The following FTCDNL1 variants were observed in gnomAD, a reference collection of about 807,000 sequenced individuals.
FTCDNL1 encodes the protein formiminotransferase N-terminal subdomain-containing protein.
Under a neutral mutation model 5.9 loss-of-function variants are expected in FTCDNL1, and 11 were observed. That is an observed-to-expected ratio of 1.87 (90% CI 1.18 to 3.10). The LOEUF (loss-of-function observed/expected upper bound fraction) is 3.10, where lower values mean the gene tolerates loss of function less well. Among genes scored for constraint, FTCDNL1 ranks in the 30% most tolerant of loss-of-function variants. FTCDNL1 has a pLI of 0.00. For missense variants in FTCDNL1, 115 were observed against 65.5 expected (o/e 1.76, Z -2.61); for synonymous variants, 58 against 24.8 (o/e 2.34, Z -3.99).
chr2:199,691,432 A>G, the FTCDNL1 span, among the ~76,000 whole-genome samples: 4 of 152,212 alleles, frequency 2.6e-5, no homozygotes, highest in East Asian at 1.9e-4. Flanking sequence ...AAGGTGGCCA[A>G]TTTTATCAGC....
chr2:199,668,453 A>G, the FTCDNL1 span, among the ~76,000 whole-genome samples: 5 of 152,154 alleles, frequency 3.3e-5, no homozygotes, highest in African/African-American at 9.7e-5. Flanking sequence ...TCTGCATAGT[A>G]TCTCCAGGCA....
At chr2:199,751,583 C>T in the FTCDNL1 span, among the ~76,000 whole-genome samples, 1 of 151,900 alleles carries the variant, frequency 6.6e-6, no homozygotes, top group Non-Finnish European at 1.5e-5. Context: ...GGCAGAGCAC[C>T]CCCACTCCTC....
the FTCDNL1 span, among the ~76,000 whole-genome samples, chr2:199,672,071 T>C: frequency 6.6e-6 from 1 of 152,152 alleles, no homozygotes; most frequent in African/African-American, 2.4e-5. Context: ...GTTACATGTT[T>C]TTTGCCCTGG....
the FTCDNL1 span, among the ~76,000 whole-genome samples, chr2:199,712,688 A>G: frequency 6.6e-6 from 1 of 152,134 alleles, no homozygotes; most frequent in Admixed American, 6.6e-5. Context: ...TCTCAGGAGG[A>G]TCCATCCTTG....
the FTCDNL1 span, among the ~76,000 whole-genome samples, chr2:199,736,535 T>C: frequency 6.6e-6 from 1 of 152,252 alleles, no homozygotes; most frequent in Non-Finnish European, 1.5e-5. Flanking sequence ...AATAACAGTA[T>C]GCCTTCTGTC....
At chr2:199,842,227 CA>C (rs1485365304) in intron 3 of FTCDNL1, among the ~76,000 whole-genome samples, 3 of 152,048 alleles carry the variant, frequency 2.0e-5, no homozygotes, top group Non-Finnish European at 4.4e-5. Context: ...GAGATTGCAC[CA>C]CTGTACTCCA....
intron 2 of FTCDNL1, among the ~76,000 whole-genome samples, chr2:199,848,509 C>T (rs1005821570): frequency 3.9e-5 from 6 of 152,314 alleles, no homozygotes; most frequent in African/African-American, 1.2e-4. Flanking sequence ...ATCAAATAAA[C>T]GACCCATGAG....
the FTCDNL1 span, among the ~76,000 whole-genome samples, chr2:199,717,986 C>CAAAAAAAA: frequency 1.4e-5 from 2 of 142,554 alleles, no homozygotes; most frequent in Non-Finnish European, 1.5e-5. Context: ...ACCAAAAAAA[C>CAAAAAAAA]AAAAAAAAAA....
intron 4 of FTCDNL1, chr2:199,819,323 C>T (rs1276539788): frequency 2.1e-6 from 1 of 479,402 alleles, no homozygotes; most frequent in African/African-American, 1.9e-5. Context: ...GATCACGTTG[C>T]AGGGCTAATG....
chr2:199,778,952 A>T (rs1699224157), intron 3 of FTCDNL1, among the ~76,000 whole-genome samples: 1 of 152,194 alleles, frequency 6.6e-6, no homozygotes, highest in African/African-American at 2.4e-5. Context: ...CCAAATAAGT[A>T]ATCACAAGAA....
the FTCDNL1 span, among the ~76,000 whole-genome samples, chr2:199,684,037 A>G: frequency 1.3e-5 from 2 of 152,364 alleles, no homozygotes; most frequent in East Asian, 3.9e-4. Flanking sequence ...TGTGCTTAAC[A>G]AATACCATCA....
the FTCDNL1 span, among the ~76,000 whole-genome samples, chr2:199,745,479 C>T: frequency 6.6e-4 from 101 of 152,284 alleles, no homozygotes; most frequent in East Asian, 0.016. Flanking sequence ...TGTCATTAGT[C>T]CATTTTCCCA....
downstream of FTCDNL1, among the ~76,000 whole-genome samples, chr2:199,808,935 G>A (rs1042828131): frequency 6.6e-6 from 1 of 152,022 alleles, no homozygotes; most frequent in African/African-American, 2.4e-5. Flanking sequence ...CCTTCTATCG[G>A]GCCACACAGC....
At chr2:199,730,102 A>C in the FTCDNL1 span, among the ~76,000 whole-genome samples, 1 of 152,238 alleles carries the variant, frequency 6.6e-6, no homozygotes, top group Non-Finnish European at 1.5e-5. Context: ...CAATGGGGAA[A>C]GGATTCCCTA....
the FTCDNL1 span, among the ~76,000 whole-genome samples, chr2:199,690,913 A>G: frequency 6.6e-6 from 1 of 152,218 alleles, no homozygotes; most frequent in Non-Finnish European, 1.5e-5. Context: ...TTTGGATCCA[A>G]TGTAATTTGC....
At chr2:199,729,112 G>A in the FTCDNL1 span, among the ~76,000 whole-genome samples, 5 of 152,122 alleles carry the variant, frequency 3.3e-5, no homozygotes, top group Admixed American at 1.3e-4. Flanking sequence ...ATGAGATGAC[G>A]GAATACATGA....
chr2:199,804,130 C>A (rs182810341), intron 3 of FTCDNL1, among the ~76,000 whole-genome samples: 6 of 152,170 alleles, frequency 3.9e-5, no homozygotes, highest in Non-Finnish European at 8.8e-5. Context: ...ATCCTTTATA[C>A]GTACTAGAAA....
intron 4 of FTCDNL1, among the ~76,000 whole-genome samples, chr2:199,817,450 T>A (rs1213285506): frequency 6.6e-6 from 1 of 152,218 alleles, no homozygotes; most frequent in African/African-American, 2.4e-5. Context: ...TTTTATGAAT[T>A]TTTTTATGTA....
intron 3 of FTCDNL1, among the ~76,000 whole-genome samples, chr2:199,836,942 C>T (rs1243993982): frequency 3.3e-5 from 5 of 152,104 alleles, no homozygotes; most frequent in East Asian, 3.9e-4. Context: ...AAGTGTTGCC[C>T]GATGGGGTTA....
Sources: allele counts gnomAD v4.1 joint callset (sites outside exome capture counted in the v4.1 genomes callset), GRCh38; gene constraint gnomAD v4.1.1; transcripts MANE v1.5; gene names NCBI Gene and HGNC (gene_info 2026-07-23, HGNC 2026-07-21).